CAST: variants seen among roughly 807,000 people sequenced by gnomAD.
CAST encodes MIR583 host.
Under a neutral mutation model 119.6 loss-of-function variants are expected in CAST, and 76 were observed. That is an observed-to-expected ratio of 0.64 (90% CI 0.53 to 0.77). The LOEUF (loss-of-function observed/expected upper bound fraction) is 0.77. CAST is among the 30% of genes least tolerant of loss of function. CAST has a pLI of 0.00. For missense variants in CAST, 953 were observed against 946.5 expected (o/e 1.01, Z -0.09); for synonymous variants, 319 against 331.6 (o/e 0.96, Z 0.41).
the CAST span, among the ~76,000 whole-genome samples, chr5:96,237,866 A>G: frequency 6.6e-6 from 1 of 151,990 alleles, no homozygotes; most frequent in South Asian, 2.1e-4. Flanking sequence ...TCCTTTTCCA[A>G]TTCCTAATTT....
At chr5:96,047,134 C>T in the CAST span, among the ~76,000 whole-genome samples, 11 of 152,262 alleles carry the variant, frequency 7.2e-5, no homozygotes, top group East Asian at 3.9e-4. Context: ...TCAGACATAT[C>T]GACAAACTGC....
the CAST span, among the ~76,000 whole-genome samples, chr5:95,980,798 C>T: frequency 6.6e-6 from 1 of 152,182 alleles, no homozygotes; most frequent in Non-Finnish European, 1.5e-5. Flanking sequence ...CTCCCTTTCC[C>T]TGTGCCCACT....
At chr5:96,310,857 C>T in the CAST span, among the ~76,000 whole-genome samples, 1 of 145,708 alleles carries the variant, frequency 6.9e-6, no homozygotes, top group Non-Finnish European at 1.5e-5. Context: ...ATTATGTCTT[C>T]TCAAAAAAAA....
At chr5:96,662,536 T>C in intron 1 of CAST, 39 bp downstream of exon 1, 1 of 1,341,138 alleles carries the variant, frequency 7.5e-7, no homozygotes, top group African/African-American at 1.5e-5. Context: ...GGCTGGGCGA[T>C]GGGGTACCGG....
chr5:96,017,970 A>G, the CAST span, among the ~76,000 whole-genome samples: 1 of 152,136 alleles, frequency 6.6e-6, no homozygotes, highest in African/African-American at 2.4e-5. Flanking sequence ...CACCAATATA[A>G]AAGCCCAGAT....
At chr5:96,115,011 G>A in the CAST span, among the ~76,000 whole-genome samples, 17 of 152,276 alleles carry the variant, frequency 1.1e-4, 1 homozygote, top group East Asian at 1.9e-4. Context: ...TGGGGTTATC[G>A]CAACAATTAC....
At chr5:96,470,608 C>T in the CAST span, among the ~76,000 whole-genome samples, 1 of 151,900 alleles carries the variant, frequency 6.6e-6, no homozygotes, top group Non-Finnish European at 1.5e-5. Context: ...TTAATTAAGT[C>T]CTTGGTATGC....
At chr5:96,413,403 A>G in the CAST span, among the ~76,000 whole-genome samples, 1 of 152,276 alleles carries the variant, frequency 6.6e-6, no homozygotes, top group Non-Finnish European at 1.5e-5. Flanking sequence ...AATAAAGTGC[A>G]CAGCCTTAGA....
chr5:96,270,832 C>G, the CAST span, among the ~76,000 whole-genome samples: 1 of 151,752 alleles, frequency 6.6e-6, no homozygotes, highest in Non-Finnish European at 1.5e-5. Context: ...ATGTAACAAA[C>G]CTGCACATCC....
At chr5:96,733,547 G>A (rs1171039986) in intron 9 of CAST, among the ~76,000 whole-genome samples, 3 of 152,210 alleles carry the variant, frequency 2.0e-5, no homozygotes, top group African/African-American at 7.2e-5. Flanking sequence ...CTTGCAGCAA[G>A]TCATTTTACT....
intron 1 of CAST, among the ~76,000 whole-genome samples, chr5:96,629,940 A>G (rs1747794988): frequency 6.6e-6 from 1 of 152,226 alleles, no homozygotes; most frequent in Non-Finnish European, 1.5e-5. Context: ...TAAACCAGCT[A>G]AGCCTGCAGT....
the CAST span, among the ~76,000 whole-genome samples, chr5:96,308,499 G>T: frequency 6.6e-6 from 1 of 151,970 alleles, no homozygotes; most frequent in Admixed American, 6.6e-5. Flanking sequence ...TTCCCTTGCT[G>T]GAGAGGAGTT....
chr5:96,626,986 T>G (rs1248527502), intron 1 of CAST, among the ~76,000 whole-genome samples: 4 of 152,222 alleles, frequency 2.6e-5, no homozygotes, highest in Admixed American at 2.6e-4. Flanking sequence ...ATATTTTGTT[T>G]GGGAGAATAC....
At chr5:96,204,597 G>A in the CAST span, among the ~76,000 whole-genome samples, 3 of 152,022 alleles carry the variant, frequency 2.0e-5, no homozygotes, top group Non-Finnish European at 4.4e-5. Flanking sequence ...TGACATCCAG[G>A]ACATCCTCTA....
upstream of CAST, among the ~76,000 whole-genome samples, chr5:96,528,221 G>A (rs1392392469): frequency 6.6e-6 from 1 of 152,158 alleles, no homozygotes; most frequent in Non-Finnish European, 1.5e-5. Flanking sequence ...TGACTTCAGA[G>A]CTCAAACTCA....
the CAST span, among the ~76,000 whole-genome samples, chr5:96,478,592 G>A: frequency 6.6e-6 from 1 of 152,230 alleles, no homozygotes; most frequent in Non-Finnish European, 1.5e-5. Flanking sequence ...TTATTTGGCT[G>A]TGGTTGCAGG....
At chr5:96,001,947 C>T in the CAST span, among the ~76,000 whole-genome samples, 1 of 152,158 alleles carries the variant, frequency 6.6e-6, no homozygotes, top group Admixed American at 6.5e-5. Flanking sequence ...GTTTCTTTGG[C>T]TTGAGAACCC....
At chr5:96,422,888 G>T in the CAST span, among the ~76,000 whole-genome samples, 1 of 148,760 alleles carries the variant, frequency 6.7e-6, no homozygotes, top group Admixed American at 6.6e-5. Context: ...CTTTGGATTT[G>T]CATGGAAGGA....
the CAST span, among the ~76,000 whole-genome samples, chr5:96,177,968 A>G: frequency 6.6e-6 from 1 of 152,264 alleles, no homozygotes; most frequent in Non-Finnish European, 1.5e-5. Context: ...CTCAATTGAC[A>G]TAAAATATAT....
Sources: gnomAD v4.1 joint callset for allele counts (sites outside exome capture counted in the v4.1 genomes callset) on GRCh38, gnomAD v4.1.1 for gene constraint, MANE v1.5 for transcripts, NCBI Gene and HGNC (gene_info 2026-07-23, HGNC 2026-07-21) for gene names.